PSMG2: variants seen among roughly 807,000 people sequenced by gnomAD.
PSMG2 encodes the protein proteasome assembly chaperone 2.
PSMG2 carries 21 observed loss-of-function variants against 31.5 expected under a neutral mutation model. That is an observed-to-expected ratio of 0.67 (90% CI 0.47 to 0.96). PSMG2 has a LOEUF of 0.96. Ranked by LOEUF, PSMG2 falls within the 40% of genes least tolerant of loss-of-function variation. The probability of loss-of-function intolerance (pLI) is 0.00; values close to 1 mark genes in which losing one functional copy is unlikely to be tolerated. For synonymous variants in PSMG2, 120 were observed against 110.4 expected (o/e 1.09, Z -0.54); for missense variants, 318 against 321.2 (o/e 0.99, Z 0.08).
At chr18:12,678,239 G>T in intron 1 of PSMG2, 1 of 1,614,150 alleles carries the variant, frequency 6.2e-7, no homozygotes, top group Non-Finnish European at 8.5e-7. Context: ...AGCACACACA[G>T]ATTTAATTGC....
At chr18:12,674,484 T>A in intron 1 of PSMG2, 3 of 1,346,550 alleles carry the variant, frequency 2.2e-6, no homozygotes. Flanking sequence ...CCTGCCGGAC[T>A]GATCTGTAAG....
chr18:12,698,764 A>G (rs2040049006), upstream of PSMG2: 1 of 555,040 alleles, frequency 1.8e-6, no homozygotes, highest in Non-Finnish European at 3.2e-6. Context: ...ATCAACAATG[A>G]AAACAGTCAA....
At chr18:12,675,265 G>A (rs1181327443) in intron 1 of PSMG2, among the ~76,000 whole-genome samples, 2 of 151,966 alleles carry the variant, frequency 1.3e-5, no homozygotes, top group South Asian at 2.1e-4. Context: ...GCGTGGTGGC[G>A]GGTGCATGTA....
At chr18:12,713,570 C>G (rs1333053615) in intron 3 of PSMG2, among the ~76,000 whole-genome samples, 2 of 152,146 alleles carry the variant, frequency 1.3e-5, no homozygotes, top group African/African-American at 2.4e-5. Context: ...GGCTCATGTG[C>G]CAATTCAGGG....
intron 1 of PSMG2, among the ~76,000 whole-genome samples, chr18:12,662,662 A>C (rs954294502): frequency 1.4e-4 from 21 of 152,226 alleles, no homozygotes; most frequent in Non-Finnish European, 2.5e-4. Context: ...CTATAATCCC[A>C]GCTGCTCGGA....
intron 1 of PSMG2, among the ~76,000 whole-genome samples, chr18:12,691,650 T>TA (rs2145071720): frequency 6.6e-6 from 1 of 152,150 alleles, no homozygotes; most frequent in East Asian, 1.9e-4. Flanking sequence ...CACTTACCCC[T>TA]AGTACAATCC....
intron 1 of PSMG2, chr18:12,691,399 C>A: frequency 6.2e-7 from 1 of 1,607,430 alleles, no homozygotes; most frequent in Non-Finnish European, 8.5e-7. Flanking sequence ...GTGTGAGGGT[C>A]GAATTTGCAA....
intron 4 of PSMG2, among the ~76,000 whole-genome samples, chr18:12,719,931 G>A (rs1421187134): frequency 6.6e-6 from 1 of 151,064 alleles, no homozygotes; most frequent in African/African-American, 2.4e-5. Flanking sequence ...TGGCCAGGCT[G>A]GTCTCGAACT....
intron 2 of PSMG2, among the ~76,000 whole-genome samples, chr18:12,709,656 G>A (rs1228752195): frequency 1.3e-5 from 2 of 151,884 alleles, no homozygotes; most frequent in African/African-American, 2.4e-5. Context: ...ACGCCCCCAC[G>A]CCCAGCTAAT....
intron 1 of PSMG2, chr18:12,679,108 A>G (rs1410599404): frequency 6.6e-6 from 1 of 152,204 alleles, no homozygotes; most frequent in Non-Finnish European, 1.5e-5. Context: ...GGCCTCTAGA[A>G]CACACACATT....
chr18:12,695,939 C>T (rs1160961084), intron 1 of PSMG2, among the ~76,000 whole-genome samples: 9 of 151,962 alleles, frequency 5.9e-5, no homozygotes, highest in Non-Finnish European at 1.3e-4. Context: ...ATTTGTCACT[C>T]CCCATTATCC....
At chr18:12,697,183 G>A (rs777551442) in intron 1 of PSMG2, 3 of 1,272,374 alleles carry the variant, frequency 2.4e-6, no homozygotes, top group South Asian at 1.5e-5. Context: ...AATGAACTGT[G>A]GCTATAAAAA....
At chr18:12,701,265 G>C, upstream of PSMG2, 4 of 605,876 alleles carry the variant, frequency 6.6e-6, no homozygotes, top group South Asian at 4.5e-5. Context: ...TGAATCTTTT[G>C]AGTACAAATT....
intron 2 of PSMG2, 61 bp from the exon 3 acceptor site, chr18:12,712,638 CATA>C (rs1009026479): frequency 1.6e-6 from 2 of 1,229,772 alleles, no homozygotes; most frequent in African/African-American, 1.5e-5. Context: ...TTTTGTTTAT[CATA>C]ATAATTTCAA....
At chr18:12,681,177 A>G (rs1173490680) in intron 1 of PSMG2, among the ~76,000 whole-genome samples, 1 of 151,394 alleles carries the variant, frequency 6.6e-6, no homozygotes, top group Non-Finnish European at 1.5e-5. Context: ...CAGCCTCAGC[A>G]ACAGAGTAAG....
chr18:12,709,114 C>T (rs1412996166), intron 2 of PSMG2, among the ~76,000 whole-genome samples: 2 of 151,196 alleles, frequency 1.3e-5, no homozygotes, highest in Admixed American at 6.6e-5. Context: ...GGCACGATCT[C>T]GGCCCATTGC....
rs752987998 is a variant in PSMG2 at position 12,720,612 on chromosome 18, T to C, written c.510T>C (p.Pro170=). 6.2e-7 allele frequency: 1 copy of C among 1,613,950 alleles called. No homozygotes were observed. Among genetic ancestry groups the C allele is most frequent in the Non-Finnish European group, 8.5e-7 (1 of 1,179,932 alleles). The change falls in exon 5 of 7, where the codon CCT becomes CCC. Residue 170 remains proline, a synonymous_variant. Transcript: ENST00000317615. The part of the protein sequence containing the change: ...WEEMEKSRCI[P]EIDDSEFCIR... ...AAATGGAAAAAAGCCGGTGCATTCC[T>C]GAAATAGATGATTCCGAGTTTTGTA...
chr18:12,686,511 TC>T, intron 1 of PSMG2: 1 of 1,187,376 alleles, frequency 8.4e-7, no homozygotes, highest in Non-Finnish European at 1.2e-6. Flanking sequence ...TATGTTTTTT[TC>T]AAATACATTA....
chr18:12,692,707 A>C (rs1463319010), intron 1 of PSMG2, among the ~76,000 whole-genome samples: 2 of 152,186 alleles, frequency 1.3e-5, no homozygotes, highest in Non-Finnish European at 2.9e-5. Flanking sequence ...CTAGAATCTA[A>C]ACTCCTTGAG....
Sources: allele counts gnomAD v4.1 joint callset (sites outside exome capture counted in the v4.1 genomes callset), GRCh38; gene constraint gnomAD v4.1.1; transcripts MANE v1.5; gene names NCBI Gene and HGNC (gene_info 2026-07-23, HGNC 2026-07-21).